Variants in CFAP96 observed in about 807,000 individuals in gnomAD.
The protein encoded by CFAP96 is cilia and flagella associated protein 96.
the CFAP96 span, among the ~76,000 whole-genome samples, chr4:185,436,725 A>AATAATAATAATAATC: frequency 6.7e-6 from 1 of 148,874 alleles, no homozygotes; most frequent in East Asian, 1.9e-4. Flanking sequence ...TAATAATAAT[A>AATAATAATAATAATC]ATAATAATAA....
the CFAP96 span, among the ~76,000 whole-genome samples, chr4:185,434,770 G>C: frequency 6.6e-6 from 1 of 151,426 alleles, no homozygotes; most frequent in Non-Finnish European, 1.5e-5. Flanking sequence ...ATGGAGTCTG[G>C]CTCTGTCATC....
At chr4:185,431,075 T>C in the CFAP96 span, among the ~76,000 whole-genome samples, 1 of 152,052 alleles carries the variant, frequency 6.6e-6, no homozygotes, top group Admixed American at 6.6e-5. Flanking sequence ...CCAGCCATGG[T>C]GGTGCACACC....
the CFAP96 span, chr4:185,432,182 AG>A: frequency 6.4e-7 from 1 of 1,551,410 alleles, no homozygotes; most frequent in Non-Finnish European, 8.7e-7. Flanking sequence ...ATTCCTCCCT[AG>A]TAATGGAGAG....
chr4:185,425,048 G>T, the CFAP96 span, among the ~76,000 whole-genome samples: 1 of 152,356 alleles, frequency 6.6e-6, no homozygotes, highest in South Asian at 2.1e-4. Flanking sequence ...GACTACCCCA[G>T]ATGGATAGAT....
At chr4:185,410,610 T>C in the CFAP96 span, among the ~76,000 whole-genome samples, 2 of 151,994 alleles carry the variant, frequency 1.3e-5, no homozygotes, top group East Asian at 3.9e-4. Flanking sequence ...ATCATGCCAC[T>C]GCACTCTAGC....
the CFAP96 span, chr4:185,413,743 T>C: frequency 6.2e-7 from 1 of 1,611,530 alleles, no homozygotes; most frequent in Non-Finnish European, 8.5e-7. Flanking sequence ...GTCTCCATGT[T>C]AGGTGGATTA....
At chr4:185,411,661 C>T in the CFAP96 span, among the ~76,000 whole-genome samples, 4 of 151,682 alleles carry the variant, frequency 2.6e-5, no homozygotes, top group East Asian at 1.9e-4. Flanking sequence ...TGAAATGGTT[C>T]AGAGGGGGAA....
At chr4:185,415,607 CA>C in the CFAP96 span, 3 of 1,090,410 alleles carry the variant, frequency 2.8e-6, no homozygotes, top group African/African-American at 4.8e-5. Flanking sequence ...TAATAATAAA[CA>C]AGGAGAAAAT....
chr4:185,418,548 G>A, the CFAP96 span: 1 of 1,610,110 alleles, frequency 6.2e-7, no homozygotes, highest in Non-Finnish European at 8.5e-7. Context: ...ATGAAATGAT[G>A]TTTTGAAAAC....
chr4:185,441,073 C>T, the CFAP96 span, among the ~76,000 whole-genome samples: 169 of 151,956 alleles, frequency 1.1e-3, 1 homozygote, highest in Middle Eastern at 6.8e-3. Context: ...GCATCAGCCT[C>T]CAGAGTAGCT....
the CFAP96 span, among the ~76,000 whole-genome samples, chr4:185,427,747 G>A: frequency 3.4e-5 from 5 of 147,062 alleles, 1 homozygote; most frequent in Non-Finnish European, 6.0e-5. Flanking sequence ...GCGACAGAGC[G>A]AGACTCCATC....
At chr4:185,419,545 T>C in the CFAP96 span, among the ~76,000 whole-genome samples, 2 of 152,224 alleles carry the variant, frequency 1.3e-5, no homozygotes, top group Admixed American at 1.3e-4. Context: ...GATCTCACAG[T>C]TTTTATCTCT....
chr4:185,442,829 T>A, the CFAP96 span, among the ~76,000 whole-genome samples: 1 of 152,192 alleles, frequency 6.6e-6, no homozygotes, highest in Non-Finnish European at 1.5e-5. Flanking sequence ...TCCCCACTTT[T>A]TACTTGTCAT....
At chr4:185,443,227 T>C in the CFAP96 span, among the ~76,000 whole-genome samples, 1 of 150,690 alleles carries the variant, frequency 6.6e-6, no homozygotes, top group Non-Finnish European at 1.5e-5. Context: ...AGGTTTTCTA[T>C]CTCTTTTTGG....
At chr4:185,418,745 T>C in the CFAP96 span, 7 of 1,592,914 alleles carry the variant, frequency 4.4e-6, no homozygotes, top group Non-Finnish European at 6.0e-6. Context: ...TCAACACATG[T>C]TTCAGTGCCT....
At chr4:185,448,446 T>C in the CFAP96 span, among the ~76,000 whole-genome samples, 1 of 152,210 alleles carries the variant, frequency 6.6e-6, no homozygotes. Flanking sequence ...TGTAGCACTT[T>C]GGTGACAATT....
chr4:185,445,282 C>T, the CFAP96 span: 1 of 737,622 alleles, frequency 1.4e-6, no homozygotes, highest in African/African-American at 1.8e-5. Flanking sequence ...TGTACAGGTA[C>T]CTGCCCTCCC....
the CFAP96 span, chr4:185,429,555 T>C: frequency 8.5e-6 from 9 of 1,053,200 alleles, no homozygotes; most frequent in Non-Finnish European, 1.2e-5. Context: ...GTGGGTATTT[T>C]CTATATAAAA....
the CFAP96 span, chr4:185,429,512 G>A: frequency 4.0e-6 from 6 of 1,502,538 alleles, no homozygotes; most frequent in East Asian, 7.6e-5. Flanking sequence ...CAATTTAATC[G>A]TAAGTATATT....
Sources: allele counts gnomAD v4.1 joint callset (sites outside exome capture counted in the v4.1 genomes callset), GRCh38; gene constraint gnomAD v4.1.1; transcripts MANE v1.5; gene names NCBI Gene and HGNC (gene_info 2026-07-23, HGNC 2026-07-21).